CFAP221: variants seen among roughly 807,000 people sequenced by gnomAD.
The protein encoded by CFAP221 is cilia and flagella associated protein 221.
A neutral mutation model predicts 113.1 loss-of-function variants in CFAP221; 97 were observed. That is an observed-to-expected ratio of 0.86 (90% confidence interval 0.73 to 1.02). CFAP221 has a LOEUF of 1.02. Among genes scored for constraint, CFAP221 ranks in the 50% least tolerant of loss-of-function variants. The pLI is 0.00. For synonymous variants in CFAP221, 331 were observed against 354.4 expected (o/e 0.93, Z 0.74); for missense variants, 1,025 against 1,013.4 (o/e 1.01, Z -0.16).
chr2:119,652,059 A>G lies in CFAP221; in HGVS notation c.2404A>G (p.Arg802Gly). 6.2e-7 allele frequency: 1 copy of G among 1,610,186 alleles called. No individual in the cohort carries two copies. The highest frequency in any genetic ancestry group is 8.5e-7 in the Non-Finnish European group (1 of 1,177,022). Residue 802 changes from arginine to glycine, a missense_variant, in exon 23 of 24, where the codon AGG (arginine) becomes GGG (glycine). Arg to Gly is a moderately radical substitution (Grantham distance 125). Coordinates refer to ENST00000413369, the MANE Select transcript of CFAP221 (RefSeq NM_001271049.2). ...CCCTATGTTGAACTACAAGGACATC[A>G]GGAAGGAGAAGTAAGTGGATGCTTT... is the stretch of plus-strand genomic sequence containing the variant. ...EFPMLNYKDI[R>G]KEKEVKDQAQ...
chr2:119,633,035 G>A (rs188920193), intron 19 of CFAP221, among the ~76,000 whole-genome samples: 118 of 152,010 alleles, frequency 7.8e-4, no homozygotes, highest in Non-Finnish European at 3.1e-4. Flanking sequence ...ACAGAATAGA[G>A]GATCCAGAAA....
intron 23 of CFAP221, among the ~76,000 whole-genome samples, chr2:119,653,940 G>A (rs1273460261): frequency 1.3e-5 from 2 of 151,958 alleles, no homozygotes; most frequent in East Asian, 1.9e-4. Flanking sequence ...CTTTTATGAG[G>A]GACTTGTTTT....
intron 6 of CFAP221, among the ~76,000 whole-genome samples, chr2:119,585,740 G>T (rs534984931): frequency 1.3e-5 from 2 of 152,248 alleles, no homozygotes; most frequent in South Asian, 4.1e-4. Flanking sequence ...CTGAAAAAAG[G>T]GTTATTTCGC....
chr2:119,629,325 G>A (rs1354738502), intron 16 of CFAP221, among the ~76,000 whole-genome samples: 5 of 152,178 alleles, frequency 3.3e-5, no homozygotes, highest in African/African-American at 2.4e-5. Context: ...CAGATAGAGG[G>A]GACAGGATTG....
Position 119,604,866 on chromosome 2 carries a change from G to T in CFAP221, c.913-10G>T. ...GACTAACTGATTTCCCTATTGATTT[G>T]GTCTCTTAGGAAATTGAGTACCAGA... On this transcript the variant is annotated splice_polypyrimidine_tract_variant and intron_variant, in intron 9 of 23. Transcript: ENST00000413369. 1 of 1,613,570 alleles carries T rather than the reference G, an allele frequency of 6.2e-7. No homozygotes were observed. The highest frequency in any genetic ancestry group is 8.5e-7 in the Non-Finnish European group (1 of 1,179,780).
intron 6 of CFAP221, among the ~76,000 whole-genome samples, chr2:119,586,483 C>T (rs190205782): frequency 6.6e-6 from 1 of 152,330 alleles, no homozygotes; most frequent in East Asian, 1.9e-4. Flanking sequence ...TCCGCCTTGT[C>T]TTGGGGTGAC....
chr2:119,650,094 GA>G (rs1396300730), intron 22 of CFAP221, among the ~76,000 whole-genome samples: 2 of 152,196 alleles, frequency 1.3e-5, no homozygotes, highest in Non-Finnish European at 2.9e-5. Flanking sequence ...TATTACACAT[GA>G]GACTACAGCA....
intron 12 of CFAP221, among the ~76,000 whole-genome samples, chr2:119,609,478 A>G (rs908969599): frequency 6.6e-5 from 10 of 152,132 alleles, no homozygotes; most frequent in African/African-American, 2.4e-4. Flanking sequence ...TGAAGGATCC[A>G]TTCCAGACCT....
chr2:119,606,648 GA>G lies in CFAP221; in HGVS notation c.1133+1367del, dbSNP rs201086792. Among the ~76,000 whole-genome samples the G allele has an allele frequency of 7.4e-3, 1,120 of 151,916 alleles. 12 individuals are homozygous for G. The highest frequency in any genetic ancestry group is 0.026 in the African/African-American group (1,058 of 41,438). Reference sequence around the variant, plus strand: ...ACATGTTTTTTTACATATAGAGAAGGAAAAAAAATCACGGTGATGCCCCCAG... The same window carrying G: ...ACATGTTTTTTTACATATAGAGAAGGAAAAAAATCACGGTGATGCCCCCAG... On this transcript the variant is annotated intron_variant, in intron 11 of 23. Coordinates refer to ENST00000413369, the MANE Select transcript of CFAP221 (RefSeq NM_001271049.2).
At position 119,620,597 on chromosome 2, in the gene CFAP221, A is replaced by G. The variant is rs529953692; in HGVS notation, c.1410+4888A>G. Among the ~76,000 whole-genome samples, 4 of 152,336 alleles carry G rather than the reference A, an allele frequency of 2.6e-5. No individual in the cohort carries two copies. In the South Asian group the frequency reaches 8.3e-4, roughly 32 times the overall value. ...ACAAGAGCTCCTGAAGGAAGCAATA[A>G]ATTTGGAAAGGAAAATCCGGTAACA... On this transcript the variant is annotated intron_variant, in intron 14 of 23. Transcript: ENST00000413369.
chr2:119,550,230 C>T lies in CFAP221; in HGVS notation c.240+1045C>T, dbSNP rs1331465234. ...TTTAGATGTACGCATTCTTAGAAGC[C>T]GTATCTTAAGGTAGATTATTTTAAG... On this transcript the variant is annotated intron_variant, in intron 3 of 23. Transcript: ENST00000413369. 3.3e-5 allele frequency among the ~76,000 whole-genome samples: 5 copies of T among 152,074 alleles called. No homozygotes were observed. The South Asian group carries it at 1.0e-3, about 32-fold the overall frequency.
chr2:119,644,326 A>G (rs1446015207), intron 21 of CFAP221, among the ~76,000 whole-genome samples: 1 of 152,184 alleles, frequency 6.6e-6, no homozygotes, highest in African/African-American at 2.4e-5. Context: ...GTTTTGCTTC[A>G]TGAAAAGCTC....
At chr2:119,634,036 A>G (rs1686957643) in intron 19 of CFAP221, among the ~76,000 whole-genome samples, 1 of 152,226 alleles carries the variant, frequency 6.6e-6, no homozygotes, top group African/African-American at 2.4e-5. Flanking sequence ...TGAGTTCAGG[A>G]GTTCAAGGCT....
intron 6 of CFAP221, among the ~76,000 whole-genome samples, chr2:119,578,504 C>T (rs1210042239): frequency 6.6e-6 from 1 of 152,162 alleles, no homozygotes; most frequent in African/African-American, 2.4e-5. Flanking sequence ...TGGAAAAGTC[C>T]TACTAAATTG....
chr2:119,591,291 G>A (rs150380454), intron 7 of CFAP221, among the ~76,000 whole-genome samples: 2 of 152,284 alleles, frequency 1.3e-5, no homozygotes, highest in Admixed American at 6.5e-5. Flanking sequence ...TATATGAGAT[G>A]CAAATGAGTT....
chr2:119,559,505 T>C (rs781322630), intron 3 of CFAP221, among the ~76,000 whole-genome samples, 184 bp from the exon 4 acceptor site: 2 of 152,146 alleles, frequency 1.3e-5, no homozygotes, highest in East Asian at 3.9e-4. Flanking sequence ...TTTATAATTC[T>C]TGAAATGGTG....
At chr2:119,618,450 G>A (rs751668843) in intron 14 of CFAP221, among the ~76,000 whole-genome samples, 2 of 152,152 alleles carry the variant, frequency 1.3e-5, no homozygotes, top group Non-Finnish European at 2.9e-5. Context: ...GCCGAAGCAG[G>A]GTGGAGCATC....
At chr2:119,638,857 A>G (rs1268520220) in intron 20 of CFAP221, among the ~76,000 whole-genome samples, 1 of 152,000 alleles carries the variant, frequency 6.6e-6, no homozygotes, top group Non-Finnish European at 1.5e-5. Flanking sequence ...CCTGACCTGA[A>G]TATCCCCTGA....
rs753685991 is a variant in CFAP221 at position 119,625,697 on chromosome 2, TGG to T, written c.1516+10_1516+11del. On this transcript the variant is annotated intron_variant, in intron 15 of 23. Transcript: ENST00000413369. ...ACAATCGATAGCACAAGGTGAAGTA[TGG>T]CTGCAAAGCACAGAGATGCCGAGAC... The T allele has an allele frequency of 1.3e-6, 2 of 1,590,222 alleles. No individual in the cohort carries two copies. The highest frequency in any genetic ancestry group is 4.5e-5 in the East Asian group (2 of 44,720).
Sources: allele counts gnomAD v4.1 joint callset (sites outside exome capture counted in the v4.1 genomes callset), GRCh38; gene constraint gnomAD v4.1.1; transcripts MANE v1.5; gene names NCBI Gene and HGNC (gene_info 2026-07-23, HGNC 2026-07-21).